ERBB4: variants seen among roughly 807,000 people sequenced by gnomAD.
The protein encoded by ERBB4 is receptor tyrosine-protein kinase erbB-4.
Under a neutral mutation model 158.0 loss-of-function variants are expected in ERBB4, and 42 were observed. That is an observed-to-expected ratio of 0.27 (90% CI 0.21 to 0.34). The LOEUF (loss-of-function observed/expected upper bound fraction) is 0.34. Ranked by LOEUF, ERBB4 falls within the 10% of genes least tolerant of loss-of-function variation. The pLI, the probability that ERBB4 is intolerant of heterozygous loss-of-function variation, is 1.00. For synonymous variants in ERBB4, 583 were observed against 558.7 expected (o/e 1.04, Z -0.61); for missense variants, 1,333 against 1,624.1 (o/e 0.82, Z 3.08).
intron 3 of ERBB4, among the ~76,000 whole-genome samples, chr2:211,806,461 C>A (rs2076618597): frequency 6.6e-6 from 1 of 152,154 alleles, no homozygotes; most frequent in East Asian, 1.9e-4. Context: ...TACCCTTCAC[C>A]ATTTTTTTAA....
intron 20 of ERBB4, among the ~76,000 whole-genome samples, chr2:211,539,659 T>C (rs1851182): frequency 0.68 from 103,454 of 151,712 alleles, 35,681 homozygotes; most frequent in East Asian, 0.83. Flanking sequence ...ATTTAAAGGA[T>C]TAAGTGACTC....
intron 2 of ERBB4, among the ~76,000 whole-genome samples, chr2:212,117,343 C>T (rs1004436783): frequency 2.0e-5 from 3 of 152,228 alleles, no homozygotes; most frequent in African/African-American, 4.8e-5. Context: ...CTTGTTTACC[C>T]AACCAATAGT....
intron 2 of ERBB4, among the ~76,000 whole-genome samples, chr2:212,040,846 A>G (rs2077124767): frequency 6.6e-6 from 1 of 152,120 alleles, no homozygotes; most frequent in African/African-American, 2.4e-5. Flanking sequence ...GCCTTCTTCA[A>G]CTTTTGCGTA....
At chr2:211,675,783 A>T (rs1300063374) in intron 13 of ERBB4, among the ~76,000 whole-genome samples, 6 of 72,878 alleles carry the variant, frequency 8.2e-5, no homozygotes, top group African/African-American at 1.3e-4. Flanking sequence ...ATATATATAA[A>T]ATATAATATT....
intron 1 of ERBB4, among the ~76,000 whole-genome samples, chr2:212,256,019 G>GT (rs1233837141): frequency 1.6e-5 from 2 of 128,388 alleles, no homozygotes; most frequent in East Asian, 2.0e-4. Context: ...TTTACAAATG[G>GT]GGGGGGGTCT....
rs1181726549 is a variant in ERBB4 at position 211,992,557 on chromosome 2, GA to G, written c.235-44942del. On this transcript the variant is annotated intron_variant, in intron 2 of 27. Coordinates refer to ENST00000342788, the MANE Select transcript of ERBB4 (RefSeq NM_005235.3). Reference sequence around the variant, plus strand: ...GATGAGAGACAGTGAGAGAGAGAGAGAGAGAGAGAGAAAAAAAAAAAAAACA... The same window carrying G: ...GATGAGAGACAGTGAGAGAGAGAGAGGAGAGAGAGAAAAAAAAAAAAAACA... Among the ~76,000 whole-genome samples the G allele has an allele frequency of 1.4e-4, 9 of 62,938 alleles. No homozygotes were observed. In the South Asian group the frequency reaches 4.8e-3, roughly 34 times the overall value. 41.3% of individuals were successfully genotyped at this position (62,938 alleles called of 152,430 possible). A position where few individuals can be genotyped will look rare whatever the true frequency, so the allele number is the denominator to read the frequency against.
intron 1 of ERBB4, among the ~76,000 whole-genome samples, chr2:212,408,635 T>C (rs1376577503): frequency 6.6e-6 from 1 of 152,084 alleles, no homozygotes; most frequent in African/African-American, 2.4e-5. Flanking sequence ...GCCTGGACGA[T>C]ACAGTGAGAC....
chr2:212,055,202 A>G (rs1183746205), intron 2 of ERBB4, among the ~76,000 whole-genome samples: 3 of 152,194 alleles, frequency 2.0e-5, no homozygotes, highest in Admixed American at 6.5e-5. Context: ...ACTCATTGCT[A>G]GCACAGCAGT....
intron 1 of ERBB4, among the ~76,000 whole-genome samples, chr2:212,326,481 T>C (rs1053435154): frequency 1.3e-5 from 2 of 150,880 alleles, no homozygotes; most frequent in African/African-American, 4.8e-5. Context: ...TTTCAATGAT[T>C]AGATTCCTTA....
intron 1 of ERBB4, among the ~76,000 whole-genome samples, chr2:212,417,359 G>C (rs1054631284): frequency 6.6e-6 from 1 of 151,988 alleles, no homozygotes; most frequent in African/African-American, 2.4e-5. Context: ...ATCAGAAAGA[G>C]AAAAAGTAAC....
intron 1 of ERBB4, among the ~76,000 whole-genome samples, chr2:212,298,753 G>A (rs528050575): frequency 6.6e-5 from 10 of 151,782 alleles, no homozygotes; most frequent in East Asian, 2.0e-4. Flanking sequence ...AAGATACAAT[G>A]AAATCAGACG....
Position 211,748,571 on chromosome 2 carries a change from T to C in ERBB4, c.622+2068A>G, listed in dbSNP as rs562254324. ...TAAGCTCCTTCCTCCCTCAGATCTA[T>C]GGTGAGTCCCTCAACAGTACTGGCT... On this transcript the variant is annotated intron_variant, in intron 5 of 27. Transcript: ENST00000342788. 9.7e-4 allele frequency among the ~76,000 whole-genome samples: 148 copies of C among 152,328 alleles called. 3 individuals carry two copies. Among genetic ancestry groups the C allele is most frequent in the South Asian group, 2.1e-3 (10 of 4,830 alleles).
chr2:212,043,344 T>G (rs2077183298), intron 2 of ERBB4, among the ~76,000 whole-genome samples: 1 of 152,166 alleles, frequency 6.6e-6, no homozygotes, highest in Non-Finnish European at 1.5e-5. Context: ...TGATAAACTT[T>G]GTTAGAACCT....
At chr2:211,535,400 A>T (rs1574694539) in intron 20 of ERBB4, among the ~76,000 whole-genome samples, 1 of 152,036 alleles carries the variant, frequency 6.6e-6, no homozygotes, top group East Asian at 1.9e-4. Flanking sequence ...ATTAAAATAT[A>T]CTCTGGGCTT....
At chr2:212,235,398 G>C (rs1016761563) in intron 1 of ERBB4, among the ~76,000 whole-genome samples, 3 of 152,168 alleles carry the variant, frequency 2.0e-5, no homozygotes, top group African/African-American at 7.2e-5. Flanking sequence ...ATTGCTTGAA[G>C]TCAGGTAGCA....
chr2:212,058,643 A>C (rs1307516898), intron 2 of ERBB4, among the ~76,000 whole-genome samples: 1 of 152,222 alleles, frequency 6.6e-6, no homozygotes, highest in African/African-American at 2.4e-5. Context: ...AACATACGCA[A>C]ATCAATCAAC....
intron 1 of ERBB4, among the ~76,000 whole-genome samples, chr2:212,315,220 T>C (rs1012874585): frequency 6.6e-6 from 1 of 151,416 alleles, no homozygotes; most frequent in Admixed American, 6.6e-5. Flanking sequence ...TTTGCTCCTC[T>C]GATTTTATAA....
chr2:211,464,976 T>G (rs2064639177), intron 20 of ERBB4, among the ~76,000 whole-genome samples: 1 of 22,560 alleles, frequency 4.4e-5, no homozygotes. Flanking sequence ...TTTTTCTTTT[T>G]TTTTTCTTTT....
intron 1 of ERBB4, among the ~76,000 whole-genome samples, chr2:212,537,132 A>C (rs1027242018): frequency 5.9e-4 from 59 of 99,528 alleles, no homozygotes; most frequent in African/African-American, 3.1e-3. Context: ...TAGGCAAAGG[A>C]GGCGGCGGCG....
Sources: allele counts gnomAD v4.1 joint callset (sites outside exome capture counted in the v4.1 genomes callset), GRCh38; gene constraint gnomAD v4.1.1; transcripts MANE v1.5; gene names NCBI Gene and HGNC (gene_info 2026-07-23, HGNC 2026-07-21).